Variants in ROBO1 observed in about 807,000 individuals in gnomAD.
ROBO1 encodes the protein roundabout guidance receptor 1.
ROBO1 carries 149 observed loss-of-function variants against 195.9 expected under a neutral mutation model. The ratio of observed to expected loss-of-function variants is 0.76; its 90% CI spans 0.67 to 0.87. The LOEUF is 0.87. ROBO1 is among the 40% of genes least tolerant of loss of function. The probability of loss-of-function intolerance (pLI) is 0.00; values close to 1 mark genes in which losing one functional copy is unlikely to be tolerated. For missense variants in ROBO1, 1,933 were observed against 2,068.3 expected, an observed-to-expected ratio of 0.93 and a Z score of 1.27; for synonymous variants, 816 against 733.2, an observed-to-expected ratio of 1.11 and a Z score of -1.82.
intron 3 of ROBO1, among the ~76,000 whole-genome samples, chr3:79,079,528 G>C (rs1406805302): frequency 1.3e-5 from 2 of 151,778 alleles, no homozygotes; most frequent in Non-Finnish European, 3.0e-5. Flanking sequence ...TACTGGTTCT[G>C]CTTTGTCTAC....
intron 2 of ROBO1, among the ~76,000 whole-genome samples, chr3:79,226,452 C>G (rs2082228481): frequency 6.6e-6 from 1 of 152,200 alleles, no homozygotes; most frequent in South Asian, 2.1e-4. Flanking sequence ...CTGTCTTCAC[C>G]CTGTATAGAC....
intron 2 of ROBO1, among the ~76,000 whole-genome samples, chr3:79,298,407 T>G (rs2109050262): frequency 6.6e-6 from 1 of 152,252 alleles, no homozygotes; most frequent in African/African-American, 2.4e-5. Context: ...TTATAGATGA[T>G]AATATGCCTC....
intron 4 of ROBO1, among the ~76,000 whole-genome samples, chr3:78,884,102 G>A (rs1335740278): frequency 6.6e-6 from 1 of 152,082 alleles, no homozygotes; most frequent in African/African-American, 2.4e-5. Context: ...GCTGACACAT[G>A]GTAGCCACTC....
chr3:79,499,378 A>G (rs1405280960), intron 2 of ROBO1, among the ~76,000 whole-genome samples: 2 of 152,244 alleles, frequency 1.3e-5, no homozygotes, highest in Non-Finnish European at 2.9e-5. Flanking sequence ...AGGCTATTTA[A>G]AGAATGCTAA....
chr3:79,473,804 A>G (rs1321169232), intron 2 of ROBO1, among the ~76,000 whole-genome samples: 1 of 152,120 alleles, frequency 6.6e-6, no homozygotes, highest in Non-Finnish European at 1.5e-5. Context: ...TAGAATAAAA[A>G]TCCTAGATAG....
At chr3:79,591,242 C>T (rs1015221584) in intron 1 of ROBO1, among the ~76,000 whole-genome samples, 1 of 151,628 alleles carries the variant, frequency 6.6e-6, no homozygotes, top group South Asian at 2.1e-4. Flanking sequence ...CTCAGAATAA[C>T]AAATTGAAAA....
intron 8 of ROBO1, among the ~76,000 whole-genome samples, chr3:78,709,685 A>C (rs1015409132): frequency 6.6e-6 from 1 of 152,156 alleles, no homozygotes; most frequent in African/African-American, 2.4e-5. Flanking sequence ...CATGTTTTGA[A>C]ATGATCATTA....
At chr3:78,849,028 G>A (rs1287392475) in intron 4 of ROBO1, among the ~76,000 whole-genome samples, 2 of 152,108 alleles carry the variant, frequency 1.3e-5, no homozygotes, top group African/African-American at 2.4e-5. Context: ...TGGATGGGGG[G>A]CATGAAAGGA....
intron 2 of ROBO1, among the ~76,000 whole-genome samples, chr3:79,257,936 A>T (rs974739637): frequency 1.3e-5 from 2 of 152,048 alleles, no homozygotes; most frequent in Non-Finnish European, 2.9e-5. Flanking sequence ...TAAAATTCCA[A>T]CTGGAAGTAA....
At chr3:78,651,074 A>G (rs941436523) in intron 19 of ROBO1, among the ~76,000 whole-genome samples, 18 of 152,230 alleles carry the variant, frequency 1.2e-4, no homozygotes, top group African/African-American at 4.3e-4. Context: ...TATTTGGGTC[A>G]TCTTTAAAAT....
chr3:79,671,575 C>T (rs1003651762), intron 1 of ROBO1, among the ~76,000 whole-genome samples: 5 of 151,742 alleles, frequency 3.3e-5, no homozygotes, highest in African/African-American at 1.2e-4. Context: ...TTAACACAAA[C>T]TTATGGTTAA....
intron 2 of ROBO1, among the ~76,000 whole-genome samples, chr3:79,367,711 T>C (rs1217468901): frequency 1.3e-5 from 2 of 152,196 alleles, no homozygotes; most frequent in African/African-American, 2.4e-5. Context: ...TACTCCTGAG[T>C]TCTCAGATTA....
rs183274041 is a variant in ROBO1, at chr3:79,736,713, T to C, written c.-51+31039A>G. 4.3e-4 allele frequency among the ~76,000 whole-genome samples: 65 copies of C among 152,334 alleles called. 1 individual carries two copies. The East Asian group carries it at 0.012, about 28-fold the overall frequency. On this transcript the variant is annotated intron_variant, in intron 1 of 30. Coordinates refer to ENST00000464233, the MANE Select transcript of ROBO1 (RefSeq NM_002941.4). Reference sequence around the variant, plus strand: ...AAGTTGATGTTCCATGATCTACTTATGATAAACTATCAAAAAGACAGACTT... The same window carrying C: ...AAGTTGATGTTCCATGATCTACTTACGATAAACTATCAAAAAGACAGACTT...
Position 78,688,770 on chromosome 3 carries a change from G to T in ROBO1, c.1048C>A (p.Pro350Thr), listed in dbSNP as rs772703080. Residue 350 changes from proline (P) to threonine (T), a missense_variant and splice_region_variant, in exon 9 of 31, where the codon CCT (proline) becomes ACT (threonine). By Grantham distance (38) the Pro-to-Thr change is conservative. Coordinates refer to ENST00000464233, the MANE Select transcript of ROBO1 (RefSeq NM_002941.4). Reference sequence around the variant, plus strand: ...CGGGGTTTCACAACAAAATGTGGAGGTTCTGAAGGAGGTGAAACAAATTAC... The same window carrying T: ...CGGGGTTTCACAACAAAATGTGGAGTTTCTGAAGGAGGTGAAACAAATTAC... ...EASATLTVQE[P>T]PHFVVKPRDQ... 1.2e-6 allele frequency: 2 copies of T among 1,606,994 alleles called. No homozygotes were observed. The highest frequency in any genetic ancestry group is 1.7e-5 in the Admixed American group (1 of 59,128).
intron 3 of ROBO1, among the ~76,000 whole-genome samples, chr3:79,045,831 T>C (rs939055194): frequency 2.0e-5 from 3 of 152,176 alleles, no homozygotes; most frequent in African/African-American, 7.2e-5. Context: ...GAACAAAAGC[T>C]TTCTCTAGTC....
At chr3:79,157,291 T>C (rs770324960) in intron 2 of ROBO1, among the ~76,000 whole-genome samples, 1 of 151,884 alleles carries the variant, frequency 6.6e-6, no homozygotes, top group Non-Finnish European at 1.5e-5. Context: ...AGGCACAGTG[T>C]TCTGCATAGC....
At position 78,604,434 on chromosome 3, in the gene ROBO1, G is replaced by A. The variant is rs999154627; in HGVS notation, c.4744+2299C>T. The stretch of plus-strand genomic sequence containing the variant: ...TACTTTCTGGCCAGATATAAACCTC[G>A]CAATTTACATCATCACATTCTATTT... On this transcript the variant is annotated intron_variant, in intron 29 of 30. Coordinates refer to ENST00000464233, the MANE Select transcript of ROBO1 (RefSeq NM_002941.4). 3.3e-5 allele frequency among the ~76,000 whole-genome samples: 5 copies of A among 152,120 alleles called. No homozygotes were observed. In the East Asian group the frequency reaches 5.8e-4, roughly 18 times the overall value.
chr3:78,846,673 T>C (rs1376044831), intron 4 of ROBO1, among the ~76,000 whole-genome samples: 1 of 152,152 alleles, frequency 6.6e-6, no homozygotes, highest in Non-Finnish European at 1.5e-5. Context: ...TTTTCTTTTT[T>C]ATAATTGGTC....
At chr3:79,429,082 T>A (rs2038568210) in intron 2 of ROBO1, among the ~76,000 whole-genome samples, 2 of 152,160 alleles carry the variant, frequency 1.3e-5, no homozygotes, top group Non-Finnish European at 2.9e-5. Context: ...AATGTACAGC[T>A]ATAAAGAGTA....
Sources: gnomAD v4.1 joint callset for allele counts (sites outside exome capture counted in the v4.1 genomes callset) on GRCh38, gnomAD v4.1.1 for gene constraint, MANE v1.5 for transcripts, NCBI Gene and HGNC (gene_info 2026-07-23, HGNC 2026-07-21) for gene names.